Variants in TM6SF2 observed in about 807,000 individuals in gnomAD.
TM6SF2 encodes the protein transmembrane 6 superfamily member 2.
TM6SF2 carries 29 observed loss-of-function variants against 41.0 expected under a neutral mutation model. That is an observed-to-expected ratio of 0.71 (90% CI 0.53 to 0.96). The LOEUF (loss-of-function observed/expected upper bound fraction) is 0.96. Among genes scored for constraint, TM6SF2 ranks in the 50% least tolerant of loss-of-function variants. The pLI is 0.00. For synonymous variants in TM6SF2, 200 were observed against 209.1 expected (o/e 0.96, Z 0.37); for missense variants, 475 against 499.0 (o/e 0.95, Z 0.46).
At chr19:19,265,420 A>T (rs2061000368) in intron 9 of TM6SF2, among the ~76,000 whole-genome samples, 1 of 109,568 alleles carries the variant, frequency 9.1e-6, no homozygotes, top group Admixed American at 8.6e-5. Flanking sequence ...CCATCCATCT[A>T]TCTATCTATC....
chr19:19,266,323 A>T (rs1268977917), intron 9 of TM6SF2, among the ~76,000 whole-genome samples, 167 bp downstream of exon 9: 2 of 152,030 alleles, frequency 1.3e-5, no homozygotes, highest in African/African-American at 4.8e-5. Context: ...GAGTGTCTGT[A>T]TCTGGCTTTG....
In TM6SF2 at chr19:19,268,076, T is replaced by C. The variant is rs1203684628; in HGVS notation, c.621A>G (p.Glu207=). The C allele has an allele frequency of 1.9e-6, 3 of 1,613,642 alleles. No individual in the cohort carries two copies. The highest frequency in any genetic ancestry group is 2.5e-6 in the Non-Finnish European group (3 of 1,179,776). The change falls in exon 7 of 10, where the codon GAA becomes GAG. Residue 207 remains glutamate, a synonymous_variant. Transcript: ENST00000389363. The stretch of plus-strand genomic sequence containing the variant: ...GACGCTGCAGGAGTCCCTTTCTTTG[T>C]TCCTCTTGCACCTGGCCCAGGGGAG... The part of the protein sequence containing the change: ...TRCTANMVQE[E]QRKGLLQRPA...
intron 8 of TM6SF2, among the ~76,000 whole-genome samples, chr19:19,267,013 G>C (rs1417630602): frequency 6.6e-6 from 1 of 152,190 alleles, no homozygotes; most frequent in Non-Finnish European, 1.5e-5. Context: ...GCCTGAAGCT[G>C]CCACAGGCTG....
At chr19:19,273,025 G>T (rs2061029886) in intron 1 of TM6SF2, 96 bp downstream of exon 1, 5 of 1,021,422 alleles carry the variant, frequency 4.9e-6, no homozygotes, top group Non-Finnish European at 6.6e-6. Flanking sequence ...CCAGGTCCGC[G>T]GACCGCGCAT....
intron 8 of TM6SF2, among the ~76,000 whole-genome samples, 185 bp downstream of exon 8, chr19:19,267,436 A>T (rs72999059): frequency 1.3e-5 from 2 of 151,668 alleles, no homozygotes; most frequent in Non-Finnish European, 2.9e-5. Context: ...AAGAGCCCAG[A>T]GTCTGCACCT....
At chr19:19,273,075 C>A in intron 1 of TM6SF2, 46 bp downstream of exon 1, 1 of 610,174 alleles carries the variant, frequency 1.6e-6, no homozygotes, top group South Asian at 2.2e-5. Flanking sequence ...CGCCCCCGCC[C>A]GCCCCCACTG....
chr19:19,268,204 TTTTC>T, intron 6 of TM6SF2, 117 bp from the exon 7 acceptor site: 1 of 717,896 alleles, frequency 1.4e-6, no homozygotes. Flanking sequence ...TTTTTTTCTT[TTTTC>T]TTTTTTTTTT....
chr19:19,266,683 T>C (rs1415987689), intron 8 of TM6SF2, 74 bp from the exon 9 acceptor site: 14 of 1,520,264 alleles, frequency 9.2e-6, no homozygotes, highest in Non-Finnish European at 1.2e-5. Context: ...CTGAGACCCC[T>C]GAGGTGGAGG....
At chr19:19,267,541 C>T in intron 8 of TM6SF2, 80 bp downstream of exon 8, 3 of 1,076,260 alleles carry the variant, frequency 2.8e-6, no homozygotes, top group Non-Finnish European at 4.1e-6. Context: ...TTGAGTTGTG[C>T]TTCTGGCACC....
chr19:19,268,457 C>T (rs2061011471), intron 6 of TM6SF2, among the ~76,000 whole-genome samples, 173 bp downstream of exon 6: 1 of 152,152 alleles, frequency 6.6e-6, no homozygotes, highest in Non-Finnish European at 1.5e-5. Context: ...ATCCTCATGC[C>T]TTGGCCTCCC....
chr19:19,268,682 C>T lies in TM6SF2; in HGVS notation c.557G>A (p.Gly186Asp). The change falls in exon 6 of 10, where the codon GGC (glycine) becomes GAC (aspartate). Residue 186 changes from glycine to aspartate, a missense_variant. Physicochemically the swap from Gly to Asp is moderately conservative, Grantham distance 94. Coordinates refer to ENST00000389363, the MANE Select transcript of TM6SF2 (RefSeq NM_001001524.3). ...CCGGGGCTGGCTGAAGACCTTCATG[C>T]CAGCCCAGCATGGCACCAGCAGGTA... ...IPYLLVPCWA[G>D]MKVFSQPRAL... 1 of 1,591,044 alleles carries T rather than the reference C, an allele frequency of 6.3e-7. No homozygotes were observed. Among genetic ancestry groups the T allele is most frequent in the East Asian group, 2.3e-5 (1 of 43,574 alleles).
At chr19:19,265,940 T>C (rs978825750) in intron 9 of TM6SF2, among the ~76,000 whole-genome samples, 6 of 152,238 alleles carry the variant, frequency 3.9e-5, no homozygotes, top group South Asian at 2.1e-4. Context: ...CCTACTTCCC[T>C]GGCCGGGGCC....
chr19:19,273,075 C>T (rs546932962), intron 1 of TM6SF2, 46 bp downstream of exon 1: 4 of 610,176 alleles, frequency 6.6e-6, no homozygotes, highest in South Asian at 6.5e-5. Context: ...CGCCCCCGCC[C>T]GCCCCCACTG....
chr19:19,266,723 C>A, intron 8 of TM6SF2, 114 bp from the exon 9 acceptor site: 3 of 1,310,424 alleles, frequency 2.3e-6, no homozygotes, highest in Non-Finnish European at 2.1e-6. Flanking sequence ...TGGCCTCAGA[C>A]CCCACCCAGG....
At chr19:19,270,810 C>A (rs1401548895) in intron 2 of TM6SF2, among the ~76,000 whole-genome samples, 1 of 152,162 alleles carries the variant, frequency 6.6e-6, no homozygotes, top group Non-Finnish European at 1.5e-5. Flanking sequence ...AGATGCAGTC[C>A]CTGTTCTTAG....
chr19:19,269,087 A>G (rs1337705064), intron 5 of TM6SF2, among the ~76,000 whole-genome samples: 2 of 151,974 alleles, frequency 1.3e-5, no homozygotes, highest in Non-Finnish European at 2.9e-5. Context: ...CCTGAGCAAC[A>G]TAAGGATTAC....
At chr19:19,270,755 AT>A (rs1228618450) in intron 2 of TM6SF2, among the ~76,000 whole-genome samples, 1 of 152,166 alleles carries the variant, frequency 6.6e-6, no homozygotes, top group African/African-American at 2.4e-5. Context: ...TCTCAAAGTG[AT>A]GAGGCAGTAT....
chr19:19,273,109 C>A lies in TM6SF2; in HGVS notation c.95+12G>T. 2 of 1,477,780 alleles carry A rather than the reference C, an allele frequency of 1.4e-6. No homozygotes were observed. Among genetic ancestry groups the A allele is most frequent in the Non-Finnish European group, 1.8e-6 (2 of 1,118,906 alleles). 91.5% of individuals were successfully genotyped at this position (1,477,780 alleles called of 1,614,324 possible). On this transcript the variant is annotated intron_variant, in intron 1 of 9. Transcript: ENST00000389363. ...TGTCCCCAAGGCCGCCCTGGCCCCT[C>A]TCCGCACGCACTGCGAGAGCGCCGA...
chr19:19,265,038 G>GTTT (rs550015865), intron 9 of TM6SF2, among the ~76,000 whole-genome samples, 165 bp from the exon 10 acceptor site: 48 of 121,048 alleles, frequency 4.0e-4, no homozygotes, highest in Non-Finnish European at 4.8e-4. Context: ...CCATCTATCT[G>GTTT]TTTTTTTTTT....
Sources: gnomAD v4.1 joint callset for allele counts (sites outside exome capture counted in the v4.1 genomes callset) on GRCh38, gnomAD v4.1.1 for gene constraint, MANE v1.5 for transcripts, NCBI Gene and HGNC (gene_info 2026-07-23, HGNC 2026-07-21) for gene names.